The following TPST1 variants were observed in gnomAD, a reference collection of about 807,000 sequenced individuals.
TPST1 encodes the protein tyrosylprotein sulfotransferase 1.
In TPST1, 20 loss-of-function variants were observed where a neutral mutation model predicts 34.8. The ratio of observed to expected loss-of-function variants is 0.57; its 90% CI spans 0.40 to 0.84. The LOEUF is 0.84. Ranked by LOEUF, TPST1 falls within the 40% of genes least tolerant of loss-of-function variation. The pLI is 0.00. For synonymous variants in TPST1, 152 were observed against 159.4 expected (o/e 0.95, Z 0.35); for missense variants, 353 against 455.5 (o/e 0.78, Z 2.05).
At chr7:66,199,917 G>C in the TPST1 span, among the ~76,000 whole-genome samples, 10 of 151,770 alleles carry the variant, frequency 6.6e-5, no homozygotes, top group South Asian at 8.3e-4. Flanking sequence ...CACCATGCTG[G>C]CCAGAGGTTT....
chr7:66,260,263 T>C (rs1790461459), intron 2 of TPST1, among the ~76,000 whole-genome samples: 1 of 152,226 alleles, frequency 6.6e-6, no homozygotes, highest in East Asian at 1.9e-4. Context: ...TGTTTCATAT[T>C]ACACCTTATG....
upstream of TPST1, among the ~76,000 whole-genome samples, chr7:66,204,980 G>C (rs1318403241): frequency 6.6e-6 from 1 of 152,260 alleles, no homozygotes; most frequent in African/African-American, 2.4e-5. Context: ...GGACACCCAC[G>C]TTGGGGGTGG....
intron 4 of TPST1, among the ~76,000 whole-genome samples, chr7:66,354,637 A>T (rs1290967652): frequency 6.6e-6 from 1 of 152,162 alleles, no homozygotes; most frequent in Non-Finnish European, 1.5e-5. Context: ...CCTGCTTCAC[A>T]ACATACCTAA....
intron 2 of TPST1, among the ~76,000 whole-genome samples, chr7:66,271,424 G>A (rs1790702923): frequency 6.6e-6 from 1 of 152,210 alleles, no homozygotes; most frequent in South Asian, 2.1e-4. Flanking sequence ...TGATCTGCCC[G>A]CCTCAGCTTC....
intron 1 of TPST1, among the ~76,000 whole-genome samples, chr7:66,235,345 A>G (rs1243601852): frequency 6.6e-6 from 1 of 152,048 alleles, no homozygotes. Context: ...TTATCTTAAT[A>G]CTTTTTTCTT....
At chr7:66,245,252 C>T (rs998753078) in intron 2 of TPST1, among the ~76,000 whole-genome samples, 9 of 152,162 alleles carry the variant, frequency 5.9e-5, no homozygotes, top group African/African-American at 1.9e-4. Flanking sequence ...CCACTGCAGT[C>T]GGGTCTTGCA....
In TPST1 at chr7:66,278,535, A is replaced by G. The variant is rs58026491; in HGVS notation, c.846-7976A>G. The stretch of plus-strand genomic sequence containing the variant: ...CGCAGTGGCTCACGCCTGTAATCCC[A>G]GCACTTTGGGAGGTCGAGGTGGGCG... On this transcript the variant is annotated intron_variant, in intron 2 of 5. Coordinates refer to ENST00000304842, the MANE Select transcript of TPST1 (RefSeq NM_003596.4). Among the ~76,000 whole-genome samples, 257 of 152,248 alleles carry G rather than the reference A, an allele frequency of 1.7e-3. 1 individual carries two copies. The highest frequency in any genetic ancestry group is 6.0e-3 in the African/African-American group (250 of 41,542).
chr7:66,227,028 CT>C (rs546339747), intron 1 of TPST1, among the ~76,000 whole-genome samples: 97 of 69,190 alleles, frequency 1.4e-3, no homozygotes, highest in Middle Eastern at 0.019. Flanking sequence ...TTAAAATAAG[CT>C]TTTTTTTTTT....
At chr7:66,237,735 G>T (rs1240694804) in intron 1 of TPST1, among the ~76,000 whole-genome samples, 1 of 152,096 alleles carries the variant, frequency 6.6e-6, no homozygotes, top group Non-Finnish European at 1.5e-5. Flanking sequence ...GGGGTCGGGG[G>T]TAGGGAGAGA....
chr7:66,323,743 GA>G (rs756510485), intron 3 of TPST1, among the ~76,000 whole-genome samples: 8 of 152,124 alleles, frequency 5.3e-5, no homozygotes, highest in Non-Finnish European at 1.2e-4. Flanking sequence ...GGTTCCTCTT[GA>G]ATCACCCAAT....
chr7:66,351,340 T>C (rs1792474653), intron 3 of TPST1, among the ~76,000 whole-genome samples: 1 of 152,182 alleles, frequency 6.6e-6, no homozygotes, highest in South Asian at 2.1e-4. Context: ...AATTTATTCT[T>C]TCTCATTGCA....
rs1444976329 is a variant in TPST1 at position 66,253,916 on chromosome 7, A to C, written c.845+12646A>C. On this transcript the variant is annotated intron_variant, in intron 2 of 5. Coordinates refer to ENST00000304842, the MANE Select transcript of TPST1 (RefSeq NM_003596.4). The stretch of plus-strand genomic sequence containing the variant: ...GCTGGGCATGGTAGCGGGCACCTTT[A>C]GTCCCAGGGAATGGAGGCAGAAGTT... Among the ~76,000 whole-genome samples the C allele has an allele frequency of 2.0e-5, 3 of 149,372 alleles. No individual in the cohort carries two copies. In the East Asian group the frequency reaches 6.0e-4, roughly 30 times the overall value.
chr7:66,330,346 G>C (rs996155992), intron 3 of TPST1, among the ~76,000 whole-genome samples: 7 of 152,170 alleles, frequency 4.6e-5, no homozygotes, highest in African/African-American at 1.7e-4. Flanking sequence ...ATGTGAGCTT[G>C]CCACACTGCT....
chr7:66,272,441 C>T (rs996426319), intron 2 of TPST1, among the ~76,000 whole-genome samples: 2 of 152,098 alleles, frequency 1.3e-5, no homozygotes, highest in Admixed American at 6.5e-5. Flanking sequence ...TAAAAACTCT[C>T]AACCAAATTA....
intron 3 of TPST1, among the ~76,000 whole-genome samples, chr7:66,326,334 G>A (rs1474047939): frequency 2.0e-5 from 3 of 152,120 alleles, no homozygotes; most frequent in Non-Finnish European, 4.4e-5. Flanking sequence ...AATGCCCTGT[G>A]AGCTCAGAGA....
At chr7:66,250,893 G>A (rs146058238) in intron 2 of TPST1, among the ~76,000 whole-genome samples, 1,687 of 152,268 alleles carry the variant, frequency 0.011, 13 homozygotes, top group Middle Eastern at 0.024. Context: ...ACTAATGGTG[G>A]GTAGTGAGTG....
rs1790326467 is a variant in TPST1, at chr7:66,253,942, G to T, written c.845+12672G>T. On this transcript the variant is annotated intron_variant, in intron 2 of 5. Transcript: ENST00000304842. ...GTCCCAGGGAATGGAGGCAGAAGTT[G>T]CAGTGATCCAAGATTGTACCACTGC... 2.0e-5 allele frequency among the ~76,000 whole-genome samples: 3 copies of T among 147,520 alleles called. No homozygotes were observed. The Admixed American group carries it at 2.0e-4, about 10-fold the overall frequency.
At chr7:66,347,897 A>G (rs1792388093) in intron 3 of TPST1, among the ~76,000 whole-genome samples, 1 of 152,178 alleles carries the variant, frequency 6.6e-6, no homozygotes, top group African/African-American at 2.4e-5. Context: ...TTTTCCAAAT[A>G]TAAGGTTATA....
intron 3 of TPST1, among the ~76,000 whole-genome samples, chr7:66,328,869 T>G (rs868545760): frequency 4.6e-5 from 1 of 21,732 alleles, no homozygotes; most frequent in African/African-American, 2.2e-4. Flanking sequence ...GCTCTCTCTC[T>G]CTCTCTCTCT....
Sources: allele counts gnomAD v4.1 joint callset (sites outside exome capture counted in the v4.1 genomes callset), GRCh38; gene constraint gnomAD v4.1.1; transcripts MANE v1.5; gene names NCBI Gene and HGNC (gene_info 2026-07-23, HGNC 2026-07-21).